The following UGT1A9 variants were observed in gnomAD, a reference collection of about 807,000 sequenced individuals.
UGT1A9 encodes the protein UDP-glucuronosyltransferase 1A9.
Under a neutral mutation model 45.0 loss-of-function variants are expected in UGT1A9, and 35 were observed. The observed-to-expected ratio is 0.78, with a 90% confidence interval of 0.59 to 1.03. The LOEUF (loss-of-function observed/expected upper bound fraction) is 1.03. UGT1A9 is among the 50% of genes least tolerant of loss of function. The pLI, the probability that UGT1A9 is intolerant of heterozygous loss-of-function variation, is 0.00. For missense variants in UGT1A9, 687 were observed against 666.6 expected (o/e 1.03, Z -0.34); for synonymous variants, 278 against 250.6 (o/e 1.11, Z -1.03).
At chr2:233,686,987 G>T (rs1322875815) in intron 1 of UGT1A9, among the ~76,000 whole-genome samples, 1 of 152,182 alleles carries the variant, frequency 6.6e-6, no homozygotes, top group Non-Finnish European at 1.5e-5. Context: ...TGTACCCCAA[G>T]TCTTGGTTTC....
At position 233,682,539 on chromosome 2, in the gene UGT1A9, T is replaced by A. The variant is rs138921290; in HGVS notation, c.855+9750T>A. ...CTTCTCTTAGGGTTCTCAGACGCCA[T>A]GACTTTCAAGGAGAGAGTATGGAAC... On this transcript the variant is annotated intron_variant, in intron 1 of 4. Coordinates refer to ENST00000354728, the MANE Select transcript of UGT1A9 (RefSeq NM_021027.3). 6.2e-7 allele frequency: 1 copy of A among 1,613,944 alleles called. No homozygotes were observed. Among genetic ancestry groups the A allele is most frequent in the South Asian group, 1.1e-5 (1 of 91,076 alleles).
intron 1 of UGT1A9, chr2:233,747,259 G>A: frequency 6.2e-7 from 1 of 1,600,500 alleles, no homozygotes; most frequent in South Asian, 1.1e-5. Context: ...GGCCACAGGA[G>A]TGCTACTCCT....
chr2:233,767,839 C>T lies in UGT1A9; in HGVS notation c.988-10C>T. 6.2e-7 allele frequency: 1 copy of T among 1,614,144 alleles called. No homozygotes were observed. Among genetic ancestry groups the T allele is most frequent in the South Asian group, 1.1e-5 (1 of 91,080 alleles). ...CTTTCTTTACGTTCTGCTCTTTTTG[C>T]CCCTCCCAGGTCCTGTGGCGGTACA... On this transcript the variant is annotated splice_polypyrimidine_tract_variant and intron_variant, in intron 2 of 4. Transcript: ENST00000354728.
At chr2:233,698,151 C>A (rs2075427915) in intron 1 of UGT1A9, among the ~76,000 whole-genome samples, 1 of 152,160 alleles carries the variant, frequency 6.6e-6, no homozygotes, top group Non-Finnish European at 1.5e-5. Flanking sequence ...GTATTCCCAG[C>A]ATGTCGTCCT....
chr2:233,695,818 A>G (rs1184155608), intron 1 of UGT1A9, among the ~76,000 whole-genome samples: 1 of 152,200 alleles, frequency 6.6e-6, no homozygotes, highest in Non-Finnish European at 1.5e-5. Context: ...GGAAAACAAA[A>G]CCAACAAAAA....
At chr2:233,736,476 GGTTT>G (rs1395913354) in intron 1 of UGT1A9, among the ~76,000 whole-genome samples, 2 of 152,080 alleles carry the variant, frequency 1.3e-5, no homozygotes, top group African/African-American at 2.4e-5. Flanking sequence ...AGCTTGGAGA[GGTTT>G]GTTACTACCA....
At chr2:233,760,178 T>C in intron 1 of UGT1A9, 1 of 1,545,848 alleles carries the variant, frequency 6.5e-7, no homozygotes, top group Non-Finnish European at 8.7e-7. Flanking sequence ...CTGACAGCTT[T>C]TTATAGTCAC....
In UGT1A9 at chr2:233,760,993, G is replaced by C. The variant is rs367668492; in HGVS notation, c.856-6041G>C. ...TTCCCCGTATGCAACCCTTGCCTCA[G>C]AATTCCTTCAGAGAGAGGTGACTGT... On this transcript the variant is annotated intron_variant, in intron 1 of 4. Coordinates refer to ENST00000354728, the MANE Select transcript of UGT1A9 (RefSeq NM_021027.3). The C allele has an allele frequency of 4.5e-5, 73 of 1,614,036 alleles. No homozygotes were observed. Among genetic ancestry groups the C allele is most frequent in the South Asian group, 2.0e-4 (18 of 91,074 alleles).
chr2:233,725,125 G>C (rs1256400023), intron 1 of UGT1A9, among the ~76,000 whole-genome samples: 1 of 138,156 alleles, frequency 7.2e-6, no homozygotes, highest in Non-Finnish European at 1.5e-5. Context: ...GCAGTGAGCC[G>C]AGATGGCAGC....
At chr2:233,727,498 G>A (rs2077621663) in intron 1 of UGT1A9, among the ~76,000 whole-genome samples, 1 of 152,136 alleles carries the variant, frequency 6.6e-6, no homozygotes, top group Non-Finnish European at 1.5e-5. Context: ...TAGAACATGG[G>A]AGCCCATGAA....
At chr2:233,756,158 TC>T (rs1469435732) in intron 1 of UGT1A9, 1 of 152,264 alleles carries the variant, frequency 6.6e-6, no homozygotes, top group Non-Finnish European at 1.5e-5. Flanking sequence ...CCCTAGGATT[TC>T]CTGGCTCATA....
At chr2:233,750,699 C>T (rs1694542281) in intron 1 of UGT1A9, 1 of 151,888 alleles carries the variant, frequency 6.6e-6, no homozygotes, top group South Asian at 2.1e-4. Context: ...TAAAAGAGGC[C>T]AAGGTAGAGC....
At chr2:233,740,213 C>T (rs984335401) in intron 1 of UGT1A9, among the ~76,000 whole-genome samples, 14 of 151,922 alleles carry the variant, frequency 9.2e-5, no homozygotes, top group Middle Eastern at 3.4e-3. Flanking sequence ...TACCCAGTCT[C>T]AGCTGCGTCT....
rs750446316 is a variant in UGT1A9, at chr2:233,729,731, C to T, written c.856-37303C>T. On this transcript the variant is annotated intron_variant, in intron 1 of 4. Coordinates refer to ENST00000354728, the MANE Select transcript of UGT1A9 (RefSeq NM_021027.3). ...ATTCCTAGATTACTAACAACCAATT[C>T]AGACCACATGACATTCATGCAAAGG... The T allele has an allele frequency of 2.3e-5, 37 of 1,613,888 alleles. No homozygotes were observed. The Middle Eastern group carries it at 1.3e-3, about 57-fold the overall frequency.
At chr2:233,701,422 T>A (rs141980879) in intron 1 of UGT1A9, among the ~76,000 whole-genome samples, 7,472 of 152,134 alleles carry the variant, frequency 0.049, 251 homozygotes, top group Non-Finnish European at 0.079. Flanking sequence ...ACTGTCAACA[T>A]TAGACAGATC....
chr2:233,741,588 A>G (rs1403330194), intron 1 of UGT1A9: 1 of 151,778 alleles, frequency 6.6e-6, no homozygotes, highest in Non-Finnish European at 1.5e-5. Context: ...GGCACCTCGG[A>G]GCATGTTGAT....
intron 1 of UGT1A9, among the ~76,000 whole-genome samples, chr2:233,723,397 A>G (rs1363252686): frequency 3.9e-5 from 5 of 128,818 alleles, no homozygotes; most frequent in Non-Finnish European, 7.9e-5. Context: ...TTTAGTAGAG[A>G]TGGGGTTTCA....
intron 1 of UGT1A9, 52 bp downstream of exon 1, chr2:233,672,841 A>G (rs774561388): frequency 1.3e-6 from 2 of 1,554,616 alleles, no homozygotes; most frequent in Admixed American, 4.1e-5. Flanking sequence ...TTGGAAATTA[A>G]AAAAGGATTC....
chr2:233,728,724 A>G (rs2077744422), intron 1 of UGT1A9, among the ~76,000 whole-genome samples: 1 of 152,220 alleles, frequency 6.6e-6, no homozygotes, highest in African/African-American at 2.4e-5. Flanking sequence ...AGCAGAGAGC[A>G]TATGACTGGG....
Sources: allele counts gnomAD v4.1 joint callset (sites outside exome capture counted in the v4.1 genomes callset), GRCh38; gene constraint gnomAD v4.1.1; transcripts MANE v1.5; gene names NCBI Gene and HGNC (gene_info 2026-07-23, HGNC 2026-07-21).